DISP1: variants seen among roughly 807,000 people sequenced by gnomAD.
DISP1 encodes protein dispatched homolog 1.
Under a neutral mutation model 37.3 loss-of-function variants are expected in DISP1, and 30 were observed. That is an observed-to-expected ratio of 0.80 (90% CI 0.60 to 1.09). The LOEUF is 1.09. Among genes scored for constraint, DISP1 ranks in the 50% least tolerant of loss-of-function variants. DISP1 has a pLI of 0.00. For synonymous variants in DISP1, 634 were observed against 690.2 expected, an observed-to-expected ratio of 0.92 and a Z score of 1.28; for missense variants, 1,598 against 1,879.5, an observed-to-expected ratio of 0.85 and a Z score of 2.77.
At chr1:222,846,022 T>C (rs939196370) in intron 1 of DISP1, among the ~76,000 whole-genome samples, 1 of 152,226 alleles carries the variant, frequency 6.6e-6, no homozygotes, top group African/African-American at 2.4e-5. Flanking sequence ...TAACCTAAGG[T>C]CTTGAAGATT....
chr1:222,841,724 GAT>G (rs1667623768), intron 1 of DISP1, among the ~76,000 whole-genome samples: 1 of 152,110 alleles, frequency 6.6e-6, no homozygotes, highest in African/African-American at 2.4e-5. Flanking sequence ...TTTTAAAAGT[GAT>G]ATTTATTATA....
chr1:222,970,456 A>G (rs1174181189), intron 3 of DISP1, among the ~76,000 whole-genome samples: 2 of 152,292 alleles, frequency 1.3e-5, no homozygotes, highest in East Asian at 3.9e-4. Context: ...TGGGGGGATC[A>G]TTTTTATTGC....
chr1:222,887,745 G>T (rs1423308304), intron 1 of DISP1, among the ~76,000 whole-genome samples: 1 of 149,790 alleles, frequency 6.7e-6, no homozygotes, highest in African/African-American at 2.5e-5. Flanking sequence ...TGATCCACCC[G>T]CCTCGGCCTC....
At position 223,005,611 on chromosome 1, in the gene DISP1, C is replaced by G; in HGVS notation, c.4214C>G (p.Thr1405Arg). 2 of 1,608,820 alleles carry G rather than the reference C, an allele frequency of 1.2e-6. No homozygotes were observed. The highest frequency in any genetic ancestry group is 1.7e-6 in the Non-Finnish European group (2 of 1,178,256). ...VCRSTGSLLK[T>R]CCDPENKQRE... ...AGAAGCACTGGATCGTTACTCAAAA[C>G]GTGTTGCGACCCCGAGAATAAACAA... Residue 1405 changes from threonine (T) to arginine (R), a missense_variant, in exon 9 of 9, where the codon ACG becomes AGG. Thr to Arg is a moderately conservative substitution (Grantham distance 71, BLOSUM62 -1). Transcript: ENST00000675850.
intron 1 of DISP1, chr1:222,836,922 G>T: frequency 2.5e-6 from 1 of 395,700 alleles, no homozygotes; most frequent in South Asian, 1.3e-4. Context: ...ATCTTTAATA[G>T]GGATTATAAT....
chr1:222,948,601 T>C (rs1377876941), intron 3 of DISP1, among the ~76,000 whole-genome samples: 2 of 152,244 alleles, frequency 1.3e-5, no homozygotes, highest in African/African-American at 4.8e-5. Flanking sequence ...CAAGTCTTTT[T>C]AGTTTTCTTT....
intron 1 of DISP1, among the ~76,000 whole-genome samples, chr1:222,845,084 A>G (rs1345299180): frequency 6.6e-6 from 1 of 152,202 alleles, no homozygotes; most frequent in African/African-American, 2.4e-5. Flanking sequence ...ATGTAGTGCT[A>G]AAAAGGTCAA....
At chr1:223,001,354 A>C (rs1036158071) in intron 8 of DISP1, among the ~76,000 whole-genome samples, 2 of 152,238 alleles carry the variant, frequency 1.3e-5, no homozygotes, top group Non-Finnish European at 2.9e-5. Flanking sequence ...TTAGGCATTT[A>C]TTTTATTGTA....
chr1:222,883,884 G>A (rs984329184), intron 1 of DISP1, among the ~76,000 whole-genome samples: 2 of 152,322 alleles, frequency 1.3e-5, no homozygotes, highest in East Asian at 3.9e-4. Context: ...TACAAAAATA[G>A]AAGGCATTCC....
chr1:222,851,517 A>G lies in DISP1; in HGVS notation c.-159+36439A>G, dbSNP rs184825129. On this transcript the variant is annotated intron_variant, in intron 1 of 8. Transcript: ENST00000675850. ...GTTGAGCCTCTCTGCCATTTGCCTC[A>G]TTAGTATTAGGGAAACTTTCTATAC... Among the ~76,000 whole-genome samples, 107 of 152,230 alleles carry G rather than the reference A, an allele frequency of 7.0e-4. 1 individual carries two copies. Among genetic ancestry groups the G allele is most frequent in the African/African-American group, 2.3e-3 (94 of 41,532 alleles).
chr1:222,836,862 A>G, intron 1 of DISP1: 1 of 375,748 alleles, frequency 2.7e-6, no homozygotes, highest in Admixed American at 4.5e-5. Context: ...TGGCTTAATC[A>G]TTGCTGGCTA....
intron 1 of DISP1, among the ~76,000 whole-genome samples, chr1:222,917,599 G>A (rs753512114): frequency 1.3e-5 from 2 of 152,136 alleles, no homozygotes; most frequent in African/African-American, 4.8e-5. Context: ...TTGTCCTTTT[G>A]TCATTATTTC....
At chr1:222,906,822 T>C (rs1252911667) in intron 1 of DISP1, among the ~76,000 whole-genome samples, 5 of 152,254 alleles carry the variant, frequency 3.3e-5, no homozygotes, top group Admixed American at 3.3e-4. Context: ...CTTGGTTTCT[T>C]AATAAACTTG....
intron 1 of DISP1, chr1:222,823,810 T>A (rs1246738950): frequency 6.6e-6 from 1 of 151,086 alleles, no homozygotes; most frequent in East Asian, 1.9e-4. Context: ...ACGTTGTTGC[T>A]TCAGATTTCT....
At chr1:222,892,108 A>G (rs879482428) in intron 1 of DISP1, among the ~76,000 whole-genome samples, 4 of 152,298 alleles carry the variant, frequency 2.6e-5, no homozygotes, top group Admixed American at 6.5e-5. Context: ...ATGTTTTTCT[A>G]GATTCCCAAA....
intron 3 of DISP1, among the ~76,000 whole-genome samples, chr1:222,958,502 A>T (rs975996574): frequency 8.5e-5 from 13 of 152,214 alleles, no homozygotes; most frequent in Admixed American, 6.5e-5. Flanking sequence ...AAGAATATAC[A>T]TTTGTAAATT....
chr1:222,896,663 A>G (rs1366067053), intron 1 of DISP1, among the ~76,000 whole-genome samples: 1 of 152,128 alleles, frequency 6.6e-6, no homozygotes, highest in East Asian at 1.9e-4. Context: ...AATATTTGTA[A>G]TACAATGTGT....
At chr1:222,907,885 G>T (rs1453097748) in intron 1 of DISP1, among the ~76,000 whole-genome samples, 3 of 152,182 alleles carry the variant, frequency 2.0e-5, no homozygotes, top group Admixed American at 6.5e-5. Context: ...GGAGGCGGAG[G>T]TTGCAGTGAG....
At chr1:222,971,197 A>G (rs558747474) in intron 3 of DISP1, among the ~76,000 whole-genome samples, 2 of 152,222 alleles carry the variant, frequency 1.3e-5, no homozygotes, top group South Asian at 4.1e-4. Context: ...ATTAAGCATG[A>G]GAAAGTTTAG....
Sources: allele counts gnomAD v4.1 joint callset (sites outside exome capture counted in the v4.1 genomes callset), GRCh38; gene constraint gnomAD v4.1.1; transcripts MANE v1.5; gene names NCBI Gene and HGNC (gene_info 2026-07-23, HGNC 2026-07-21).